MGAT4D: variants seen among roughly 807,000 people sequenced by gnomAD.
The protein encoded by MGAT4D is MGAT4 family member D, also known as alpha-1,3-mannosyl-glycoprotein 4-beta-N-acetylglucosaminyltransferase-like protein MGAT4D.
A neutral mutation model predicts 15.9 loss-of-function variants in MGAT4D; 34 were observed. That is an observed-to-expected ratio of 2.14 (90% CI 1.62 to 2.84). The LOEUF (loss-of-function observed/expected upper bound fraction) is 2.84. MGAT4D is among the 30% of genes most tolerant of loss of function. MGAT4D has a pLI of 0.00. For synonymous variants in MGAT4D, 112 were observed against 48.2 expected, an observed-to-expected ratio of 2.33 and a Z score of -5.49; for missense variants, 327 against 140.2, an observed-to-expected ratio of 2.33 and a Z score of -6.73.
intron 5 of MGAT4D, among the ~76,000 whole-genome samples, chr4:140,469,432 ATACT>A (rs1402482128): frequency 6.6e-6 from 1 of 152,192 alleles, no homozygotes; most frequent in African/African-American, 2.4e-5. Flanking sequence ...ACATCACATA[ATACT>A]TAGTCAATTT....
At chr4:140,479,771 T>G (rs937767170) in intron 2 of MGAT4D, 144 bp from the exon 3 acceptor site, 32 of 294,166 alleles carry the variant, frequency 1.1e-4, no homozygotes, top group African/African-American at 6.9e-4. Flanking sequence ...ATGTAAATTA[T>G]TAAAATAATA....
intron 8 of MGAT4D, 198 bp downstream of exon 8, chr4:140,459,313 GA>G (rs1325560172): frequency 7.5e-6 from 2 of 267,408 alleles, no homozygotes; most frequent in Non-Finnish European, 1.4e-5. Flanking sequence ...GATCTCTCTA[GA>G]AAAAAGTTTG....
At chr4:140,464,183 A>G (rs1195124038) in intron 6 of MGAT4D, among the ~76,000 whole-genome samples, 1 of 152,226 alleles carries the variant, frequency 6.6e-6, no homozygotes. Context: ...TTATAATTTT[A>G]ACACAAAAGA....
intron 1 of MGAT4D, among the ~76,000 whole-genome samples, chr4:140,492,827 A>G (rs1733591732): frequency 6.6e-6 from 1 of 152,190 alleles, no homozygotes; most frequent in African/African-American, 2.4e-5. Context: ...AATGAGACTG[A>G]ATAACCGAAA....
chr4:140,459,146 C>A (rs944706376), intron 8 of MGAT4D: 1 of 152,944 alleles, frequency 6.5e-6, no homozygotes, highest in South Asian at 2.1e-4. Flanking sequence ...AAGTCCCTTT[C>A]TCTACAATTT....
Position 140,464,983 on chromosome 4 carries a change from G to T in MGAT4D, c.599C>A (p.Ser200Tyr), listed in dbSNP as rs777138409. ...KKFKRQVRSG[S>Y]LEVISIPAFL... ...GGCAGGTATTGAAATGACCTCTAAG[G>T]ATCCAGACCTCACTTGCCTTTTGAA... The change falls in exon 6 of 11, where the codon TCC becomes TAC. Residue 200 changes from serine to tyrosine, a missense_variant. By Grantham distance (144) the Ser-to-Tyr change is moderately radical. Transcript: ENST00000511113. 7.1e-6 allele frequency: 5 copies of T among 702,340 alleles called. No homozygotes were observed. In the South Asian group the frequency reaches 7.4e-5, roughly 10 times the overall value. The allele number at this position is 702,340 out of a possible 1,614,324, so 43.5% of individuals were successfully genotyped here. A position where few individuals can be genotyped will look rare whatever the true frequency, so the allele number is the denominator to read the frequency against.
chr4:140,454,008 A>ATG (rs1259447696), intron 9 of MGAT4D, among the ~76,000 whole-genome samples: 3 of 139,862 alleles, frequency 2.1e-5, no homozygotes, highest in African/African-American at 8.2e-5. Flanking sequence ...CAGTTCTAGG[A>ATG]TGTATGTGTG....
intron 9 of MGAT4D, among the ~76,000 whole-genome samples, chr4:140,454,143 G>A (rs915903284): frequency 5.9e-5 from 9 of 151,974 alleles, no homozygotes; most frequent in African/African-American, 2.2e-4. Context: ...CCAGTAAAAT[G>A]TTGAATAGGA....
intron 10 of MGAT4D, among the ~76,000 whole-genome samples, chr4:140,448,167 C>T (rs6822298): frequency 0.88 from 134,590 of 152,168 alleles, 60,344 homozygotes; most frequent in East Asian, 0.99. Context: ...TTCCGTAAAT[C>T]GGATAATTAT....
chr4:140,467,996 A>G (rs1469882118), intron 5 of MGAT4D, among the ~76,000 whole-genome samples: 1 of 151,992 alleles, frequency 6.6e-6, no homozygotes, highest in East Asian at 1.9e-4. Context: ...TTAGACATGT[A>G]AATTTAAAAG....
intron 9 of MGAT4D, among the ~76,000 whole-genome samples, chr4:140,451,942 TAAAAC>T (rs2126681746): frequency 6.7e-6 from 1 of 149,596 alleles, no homozygotes; most frequent in African/African-American, 2.5e-5. Context: ...AATATAATAT[TAAAAC>T]AAAGAACCAA....
chr4:140,472,109 A>G (rs1165535000), intron 4 of MGAT4D, among the ~76,000 whole-genome samples: 1 of 152,102 alleles, frequency 6.6e-6, no homozygotes, highest in African/African-American at 2.4e-5. Flanking sequence ...AAGATTACAT[A>G]AAATATTATA....
At chr4:140,492,085 G>A (rs927471079) in intron 1 of MGAT4D, among the ~76,000 whole-genome samples, 1 of 152,150 alleles carries the variant, frequency 6.6e-6, no homozygotes, top group African/African-American at 2.4e-5. Flanking sequence ...CTAGCTTGGG[G>A]TACAGCCTTT....
intron 3 of MGAT4D, among the ~76,000 whole-genome samples, chr4:140,478,912 A>G (rs7662837): frequency 0.16 from 24,491 of 152,168 alleles, 2,323 homozygotes; most frequent in East Asian, 0.41. Flanking sequence ...CTATGTTCCA[A>G]CAAAACTGTA....
intron 9 of MGAT4D, 100 bp downstream of exon 9, chr4:140,456,489 G>T (rs372331333): frequency 9.4e-6 from 4 of 425,734 alleles, no homozygotes; most frequent in East Asian, 7.1e-5. Context: ...AAAAATTGGT[G>T]CATTTATCAG....
At chr4:140,479,768 T>C in intron 2 of MGAT4D, 141 bp from the exon 3 acceptor site, 1 of 295,940 alleles carries the variant, frequency 3.4e-6, no homozygotes, top group Middle Eastern at 9.2e-4. Context: ...AAAATGTAAA[T>C]TATTAAAATA....
Position 140,479,539 on chromosome 4 carries a change from T to C in MGAT4D, c.342A>G (p.Lys114=), listed in dbSNP as rs1732556952. The C allele has an allele frequency of 1.8e-6, 1 of 556,092 alleles. No individual in the cohort carries two copies. The highest frequency in any genetic ancestry group is 3.2e-6 in the Non-Finnish European group (1 of 314,670). 34.4% of individuals were successfully genotyped at this position (556,092 alleles called of 1,614,324 possible). A position where few individuals can be genotyped will look rare whatever the true frequency, so the allele number is the denominator to read the frequency against. ...DLKFFFPHLR[K]EGRIYPDVII... Reference sequence around the variant, plus strand: ...TTACATCAGGATAAATTCTACCTTCTTTCCTTAGATGAGGAAAAAAGAACT... The same window carrying C: ...TTACATCAGGATAAATTCTACCTTCCTTCCTTAGATGAGGAAAAAAGAACT... The change falls in exon 3 of 11, where the codon AAA becomes AAG. Residue 114 remains lysine, a synonymous_variant. Transcript: ENST00000511113.
chr4:140,481,520 T>C (rs577179218), intron 2 of MGAT4D, among the ~76,000 whole-genome samples: 1 of 152,332 alleles, frequency 6.6e-6, no homozygotes, highest in Non-Finnish European at 1.5e-5. Context: ...ATGCTTATAG[T>C]AACATCTATT....
chr4:140,459,092 A>G (rs1270254913), intron 8 of MGAT4D: 1 of 152,188 alleles, frequency 6.6e-6, no homozygotes, highest in East Asian at 1.9e-4. Context: ...ATATTTTTTA[A>G]GACTGTCAGC....
Sources: allele counts gnomAD v4.1 joint callset (sites outside exome capture counted in the v4.1 genomes callset), GRCh38; gene constraint gnomAD v4.1.1; transcripts MANE v1.5; gene names NCBI Gene and HGNC (gene_info 2026-07-23, HGNC 2026-07-21).